MEGF10: variants seen among roughly 807,000 people sequenced by gnomAD.
MEGF10 encodes multiple epidermal growth factor-like domains protein 10.
Under a neutral mutation model 147.5 loss-of-function variants are expected in MEGF10, and 86 were observed. That is an observed-to-expected ratio of 0.58 (90% confidence interval 0.49 to 0.70). The LOEUF is 0.70. MEGF10 is among the 30% of genes least tolerant of loss of function. The probability of loss-of-function intolerance (pLI) is 0.00; values close to 1 mark genes in which losing one functional copy is unlikely to be tolerated. For missense variants in MEGF10, 1,329 were observed against 1,487.3 expected (o/e 0.89, Z 1.75); for synonymous variants, 478 against 525.5 (o/e 0.91, Z 1.24).
intron 11 of MEGF10, 47 bp downstream of exon 11, chr5:127,419,287 C>G (rs1291837582): frequency 1.3e-6 from 2 of 1,571,686 alleles, no homozygotes; most frequent in African/African-American, 2.7e-5. Flanking sequence ...GTCACGTTAT[C>G]TCCTAAAGAC....
At chr5:127,377,208 G>A (rs577392450) in intron 5 of MEGF10, among the ~76,000 whole-genome samples, 1 of 152,208 alleles carries the variant, frequency 6.6e-6, no homozygotes, top group South Asian at 2.1e-4. Context: ...ATCTTTCTTT[G>A]TGATGGAAAC....
chr5:127,297,967 T>C (rs917179297), intron 1 of MEGF10, among the ~76,000 whole-genome samples: 1 of 152,170 alleles, frequency 6.6e-6, no homozygotes, highest in Non-Finnish European at 1.5e-5. Context: ...TGGATCTGAA[T>C]TCATATTTTC....
the MEGF10 span, among the ~76,000 whole-genome samples, chr5:127,273,332 C>A: frequency 6.6e-6 from 1 of 152,194 alleles, no homozygotes; most frequent in Non-Finnish European, 1.5e-5. Context: ...TGGGCTATTG[C>A]CCCACGCTGC....
chr5:127,243,795 G>C, the MEGF10 span, among the ~76,000 whole-genome samples: 4 of 152,156 alleles, frequency 2.6e-5, no homozygotes, highest in African/African-American at 4.8e-5. Context: ...CATTTTGGCT[G>C]TTCATGCTGG....
chr5:127,424,562 A>G, intron 13 of MEGF10: 1 of 1,392,526 alleles, frequency 7.2e-7, no homozygotes, highest in East Asian at 2.7e-5. Context: ...AAATGTTGAG[A>G]GCTTCTTTGG....
chr5:127,307,161 G>C (rs1278146042), intron 1 of MEGF10, among the ~76,000 whole-genome samples: 1 of 152,130 alleles, frequency 6.6e-6, no homozygotes, highest in African/African-American at 2.4e-5. Context: ...AAAAATACTG[G>C]CTCTGGAGCC....
chr5:127,256,011 T>C, the MEGF10 span, among the ~76,000 whole-genome samples: 1 of 152,162 alleles, frequency 6.6e-6, no homozygotes, highest in Admixed American at 6.5e-5. Flanking sequence ...AAAACTGCTG[T>C]TGCTTCTGCA....
chr5:127,406,199 A>G (rs78066739), intron 8 of MEGF10, among the ~76,000 whole-genome samples: 1 of 152,346 alleles, frequency 6.6e-6, no homozygotes, highest in East Asian at 1.9e-4. Context: ...AAGGCAAATG[A>G]GCTTATACCT....
intron 22 of MEGF10, among the ~76,000 whole-genome samples, chr5:127,449,643 C>A (rs1401158669): frequency 6.6e-6 from 1 of 152,146 alleles, no homozygotes; most frequent in Non-Finnish European, 1.5e-5. Context: ...TAGTATTGGA[C>A]CCTGTCAGCT....
rs1763933029 is a variant in MEGF10, at chr5:127,396,754, G to A, written c.635G>A (p.Cys212Tyr). The A allele has an allele frequency of 1.9e-6, 3 of 1,613,834 alleles. No homozygotes were observed. Among genetic ancestry groups the A allele is most frequent in the African/African-American group, 2.7e-5 (2 of 74,938 alleles). The change falls in exon 6 of 25, where the codon TGC (cysteine) becomes TAC (tyrosine). Residue 212 changes from cysteine (C) to tyrosine (Y), a missense_variant. Cys to Tyr is a radical substitution (Grantham distance 194). This residue lies in a region of MEGF10 where 980 missense variants were observed against 1,085.9 expected (regional missense o/e 0.90). Coordinates refer to ENST00000503335, the MANE Select transcript of MEGF10 (RefSeq NM_001256545.2). ...TCDHVTGECR[C>Y]PPGYTGAFCE... ...GACCACGTCACGGGGGAATGCCGCTGCCCACCAGGATACACCGGAGCCTTG... is the reference window on the plus strand; with the variant it reads ...GACCACGTCACGGGGGAATGCCGCTACCCACCAGGATACACCGGAGCCTTG...
rs141296271 is a variant in MEGF10, at chr5:127,408,333, T to C, written c.918-2056T>C. ...GACAGAAAATGATATTATTTATCTT[T>C]ACCTTTTTCCTTTTGGAACTGACTT... is the stretch of plus-strand genomic sequence containing the variant. On this transcript the variant is annotated intron_variant, in intron 8 of 24. Transcript: ENST00000503335. Among the ~76,000 whole-genome samples the C allele has an allele frequency of 2.6e-5, 4 of 152,370 alleles. No individual in the cohort carries two copies. The East Asian group carries it at 7.7e-4, about 29-fold the overall frequency.
At chr5:127,443,242 TG>T in intron 19 of MEGF10, 116 bp downstream of exon 19, 1 of 1,098,828 alleles carries the variant, frequency 9.1e-7, no homozygotes, top group Non-Finnish European at 1.2e-6. Context: ...CAACTCTAAA[TG>T]GCATAATTGG....
At chr5:127,416,614 A>G (rs1764789246) in intron 9 of MEGF10, among the ~76,000 whole-genome samples, 1 of 152,202 alleles carries the variant, frequency 6.6e-6, no homozygotes, top group Non-Finnish European at 1.5e-5. Flanking sequence ...TTCTAAAAGT[A>G]TATTTAAATA....
rs866806211 is a variant in MEGF10 at position 127,325,911 on chromosome 5, T to A, written c.-18-5380T>A. The stretch of plus-strand genomic sequence containing the variant: ...TGTATATATATATATATATATATAT[T>A]TTTTTTTTTTTAAGACAGGGACTTG... On this transcript the variant is annotated intron_variant, in intron 1 of 24. Transcript: ENST00000503335. Among the ~76,000 whole-genome samples the A allele has an allele frequency of 5.2e-3, 606 of 117,604 alleles. 3 individuals carry two copies. The highest frequency in any genetic ancestry group is 0.012 in the South Asian group (39 of 3,340). 77.2% of individuals were successfully genotyped at this position (117,604 alleles called of 152,430 possible).
rs1766531624 is a variant in MEGF10, at chr5:127,460,749, A to AT, written c.*3437dup. On this transcript the variant is annotated 3_prime_UTR_variant, in exon 25 of 25. Transcript: ENST00000503335. ...ATAAAAAATCAAGTTTTAAGGTTAT[A>AT]TTTTTTAAAATAATGAATTTTCTAT... The AT allele has an allele frequency of 6.6e-6, 1 of 152,170 alleles. No homozygotes were observed. Among genetic ancestry groups the AT allele is most frequent in the Admixed American group, 6.5e-5 (1 of 15,278 alleles). The allele number at this position is 152,170 out of a possible 1,614,324, so 9.4% of individuals were successfully genotyped here.
At chr5:127,287,863 A>T (rs978136864), upstream of MEGF10, among the ~76,000 whole-genome samples, 1 of 152,078 alleles carries the variant, frequency 6.6e-6, no homozygotes. Context: ...AAGTTATAGC[A>T]ATCTGAACAG....
At chr5:127,288,548 A>G (rs1580664035), upstream of MEGF10, among the ~76,000 whole-genome samples, 1 of 152,212 alleles carries the variant, frequency 6.6e-6, no homozygotes, top group African/African-American at 2.4e-5. Context: ...ATGTGATACC[A>G]CTATATACTT....
the MEGF10 span, among the ~76,000 whole-genome samples, chr5:127,246,084 A>G: frequency 6.6e-6 from 1 of 152,230 alleles, no homozygotes; most frequent in Non-Finnish European, 1.5e-5. Context: ...ATACCATTTG[A>G]CCCAGCAATC....
intron 8 of MEGF10, among the ~76,000 whole-genome samples, chr5:127,404,350 A>G (rs1764245704): frequency 2.0e-5 from 3 of 151,862 alleles, no homozygotes. Context: ...AGCTCCTTAT[A>G]TATGCTGGTC....
Sources: allele counts gnomAD v4.1 joint callset (sites outside exome capture counted in the v4.1 genomes callset), GRCh38; gene constraint gnomAD v4.1.1; regional missense constraint gnomAD v4.1.1; transcripts MANE v1.5; gene names NCBI Gene and HGNC (gene_info 2026-07-23, HGNC 2026-07-21).